Variants in DIAPH2 observed in about 807,000 individuals in gnomAD.
DIAPH2 encodes diaphanous related formin 2.
DIAPH2 carries 35 observed loss-of-function variants against 92.7 expected under a neutral mutation model. The ratio of observed to expected loss-of-function variants is 0.38; its 90% CI spans 0.29 to 0.50. The LOEUF (loss-of-function observed/expected upper bound fraction) is 0.50. Among genes scored for constraint, DIAPH2 ranks in the 20% least tolerant of loss-of-function variants. The pLI, the probability that DIAPH2 is intolerant of heterozygous loss-of-function variation, is 0.94. For missense variants in DIAPH2, 701 were observed against 819.5 expected (o/e 0.86, Z 1.77); for synonymous variants, 301 against 280.4 (o/e 1.07, Z -0.73).
At chrX:97,153,555 A>G (rs750822865) in intron 22 of DIAPH2, among the ~76,000 whole-genome samples, 5 of 111,639 alleles carry the variant, frequency 4.5e-5, no homozygotes, top group Non-Finnish European at 7.5e-5. Flanking sequence ...ACTGCACTCC[A>G]GCCTGGGCAA....
chrX:97,182,892 T>A (rs1445320492), intron 22 of DIAPH2, among the ~76,000 whole-genome samples: 1 of 111,196 alleles, frequency 9.0e-6, no homozygotes, highest in African/African-American at 3.3e-5. Flanking sequence ...AGTAATTACC[T>A]ATTTTTGCAA....
At chrX:96,763,090 C>T in intron 4 of DIAPH2, 13 of 963,436 alleles carry the variant, frequency 1.3e-5, no homozygotes, top group Non-Finnish European at 1.7e-5. Context: ...TCGTTGACCA[C>T]TGCATGCAGA....
chrX:97,045,353 G>A lies in DIAPH2; in HGVS notation c.2051-27588G>A, dbSNP rs144513500. Among the ~76,000 whole-genome samples the A allele has an allele frequency of 8.3e-3, 931 of 111,767 alleles. 7 individuals carry two copies. Among genetic ancestry groups the A allele is most frequent in the Middle Eastern group, 0.019 (4 of 214 alleles). ...AGACTGAAATCATGTTGGAAATGTTGTTTGGTAAGTAGTAACTAGTTAGAG... is the reference window on the plus strand; with the variant it reads ...AGACTGAAATCATGTTGGAAATGTTATTTGGTAAGTAGTAACTAGTTAGAG... On this transcript the variant is annotated intron_variant, in intron 17 of 26. Transcript: ENST00000324765.
intron 23 of DIAPH2, among the ~76,000 whole-genome samples, chrX:97,287,781 C>CT (rs1401271063): frequency 2.0e-5 from 2 of 101,714 alleles, no homozygotes; most frequent in Non-Finnish European, 4.0e-5. Flanking sequence ...ACTTGGTGAA[C>CT]CCTGTCTCTA....
intron 5 of DIAPH2, among the ~76,000 whole-genome samples, chrX:96,890,546 G>A (rs529070345): frequency 1.8e-5 from 2 of 111,234 alleles, no homozygotes; most frequent in South Asian, 7.6e-4. Flanking sequence ...AACCCACACC[G>A]TTGTCCTCTC....
intron 22 of DIAPH2, among the ~76,000 whole-genome samples, chrX:97,229,833 T>TA (rs2067994983): frequency 1.9e-5 from 2 of 103,409 alleles, no homozygotes; most frequent in Non-Finnish European, 3.9e-5. Flanking sequence ...AATAACAATA[T>TA]TACATCTTAT....
rs1569426198 is a variant in DIAPH2 at position 97,570,113 on chromosome X, TA to T, written c.3242-29139del. Reference sequence around the variant, plus strand: ...ATATATATATATATATATATATATATATATATATATTAGAAGATAGATAGAT... The same window carrying T: ...ATATATATATATATATATATATATATTATATATATTAGAAGATAGATAGAT... On this transcript the variant is annotated intron_variant, in intron 26 of 26. Transcript: ENST00000324765. Among the ~76,000 whole-genome samples, 175 of 31,707 alleles carry T rather than the reference TA, an allele frequency of 5.5e-3. 1 individual carries two copies. The highest frequency in any genetic ancestry group is 6.0e-3 in the Non-Finnish European group (102 of 17,044). The allele number at this position is 31,707 out of a possible 115,157, so 27.5% of individuals were successfully genotyped here.
chrX:97,095,639 G>T (rs2066863286), intron 19 of DIAPH2, among the ~76,000 whole-genome samples: 1 of 110,483 alleles, frequency 9.1e-6, no homozygotes, highest in African/African-American at 3.3e-5. Flanking sequence ...AAAAAGAAAG[G>T]TTATGTTTTG....
intron 24 of DIAPH2, among the ~76,000 whole-genome samples, chrX:97,351,099 T>C (rs1044020510): frequency 8.9e-6 from 1 of 112,420 alleles, no homozygotes; most frequent in African/African-American, 3.2e-5. Flanking sequence ...CAAATCTTTA[T>C]CAACTTGCTG....
intron 20 of DIAPH2, among the ~76,000 whole-genome samples, chrX:97,100,514 T>A (rs1264095812): frequency 9.0e-6 from 1 of 111,592 alleles, no homozygotes; most frequent in Non-Finnish European, 1.9e-5. Context: ...AACAAAAAAA[T>A]GGCAGGAAAG....
intron 22 of DIAPH2, among the ~76,000 whole-genome samples, chrX:97,143,464 A>G (rs2067222029): frequency 9.1e-6 from 1 of 110,258 alleles, no homozygotes. Flanking sequence ...ATCTATATAT[A>G]CACACACAGT....
intron 23 of DIAPH2, among the ~76,000 whole-genome samples, chrX:97,250,644 A>G (rs935363892): frequency 6.3e-5 from 7 of 111,662 alleles, no homozygotes; most frequent in Non-Finnish European, 1.1e-4. Context: ...ATGGTTTGTT[A>G]ATTACTATAT....
At chrX:96,898,903 A>T (rs1471820534) in intron 5 of DIAPH2, among the ~76,000 whole-genome samples, 3 of 108,600 alleles carry the variant, frequency 2.8e-5, no homozygotes, top group South Asian at 4.2e-4. Flanking sequence ...TAATTTTTGT[A>T]TAAGGTGTAA....
intron 26 of DIAPH2, among the ~76,000 whole-genome samples, chrX:97,460,934 C>T (rs1172253263): frequency 3.6e-5 from 4 of 112,217 alleles, no homozygotes; most frequent in Non-Finnish European, 5.6e-5. Flanking sequence ...TCGAATAGTT[C>T]GCTTGACCTT....
intron 24 of DIAPH2, among the ~76,000 whole-genome samples, chrX:97,370,367 G>C (rs1445651970): frequency 9.0e-6 from 1 of 111,053 alleles, no homozygotes; most frequent in Non-Finnish European, 1.9e-5. Flanking sequence ...GCTCAGTTAG[G>C]AATTAGTAAG....
intron 5 of DIAPH2, among the ~76,000 whole-genome samples, chrX:96,906,657 T>C (rs1234696674): frequency 2.7e-5 from 3 of 112,344 alleles, no homozygotes; most frequent in African/African-American, 6.5e-5. Flanking sequence ...GATTAGAACC[T>C]AGATCTGTTT....
intron 4 of DIAPH2, among the ~76,000 whole-genome samples, chrX:96,806,660 A>C (rs2064627906): frequency 9.5e-6 from 1 of 104,967 alleles, no homozygotes; most frequent in Non-Finnish European, 1.9e-5. Context: ...AAAAAAAAAA[A>C]AAAAGAAACA....
intron 22 of DIAPH2, among the ~76,000 whole-genome samples, chrX:97,180,136 C>T (rs1251011627): frequency 1.8e-5 from 2 of 112,262 alleles, no homozygotes; most frequent in Non-Finnish European, 3.8e-5. Context: ...GGAATCAGCA[C>T]ACTGTCTTTC....
chrX:97,210,820 C>T (rs755298167), intron 22 of DIAPH2, among the ~76,000 whole-genome samples: 1 of 111,877 alleles, frequency 8.9e-6, no homozygotes, highest in African/African-American at 3.2e-5. Context: ...CTTCATTAAG[C>T]ATGATCCCAA....
Sources: gnomAD v4.1 joint callset for allele counts (sites outside exome capture counted in the v4.1 genomes callset) on GRCh38, gnomAD v4.1.1 for gene constraint, MANE v1.5 for transcripts, NCBI Gene and HGNC (gene_info 2026-07-23, HGNC 2026-07-21) for gene names.